The following CHMP4B variants were observed in gnomAD, a reference collection of about 807,000 sequenced individuals.
CHMP4B encodes SNF7 homolog associated with Alix 1.
Under a neutral mutation model 25.1 loss-of-function variants are expected in CHMP4B, and 1 was observed. The ratio of observed to expected loss-of-function variants is 0.04; its 90% confidence interval spans 0.01 to 0.19. The LOEUF is 0.19. Among genes scored for constraint, CHMP4B ranks in the 10% least tolerant of loss-of-function variants. CHMP4B has a pLI of 1.00. For synonymous variants in CHMP4B, 101 were observed against 115.6 expected, an observed-to-expected ratio of 0.87 and a Z score of 0.81; for missense variants, 151 against 289.7, an observed-to-expected ratio of 0.52 and a Z score of 3.48.
chr20:33,837,267 T>C (rs1026218846), intron 1 of CHMP4B, among the ~76,000 whole-genome samples: 1 of 151,894 alleles, frequency 6.6e-6, no homozygotes, highest in African/African-American at 2.4e-5. Flanking sequence ...GGGAGGATCA[T>C]TTGAGCCTGG....
At chr20:33,851,992 C>T (rs540126085) in intron 3 of CHMP4B, 85 bp from the exon 4 acceptor site, 2 of 1,574,174 alleles carry the variant, frequency 1.3e-6, no homozygotes, top group South Asian at 1.1e-5. Context: ...GTGTGTGTCT[C>T]CATGAGCATT....
chr20:33,836,136 G>C (rs1350145143), intron 1 of CHMP4B, among the ~76,000 whole-genome samples: 2 of 152,016 alleles, frequency 1.3e-5, no homozygotes, highest in Non-Finnish European at 2.9e-5. Flanking sequence ...TCATCTCTTT[G>C]CTAATTTTGA....
intron 1 of CHMP4B, among the ~76,000 whole-genome samples, chr20:33,820,952 A>G (rs1423456882): frequency 1.3e-5 from 2 of 152,232 alleles, no homozygotes; most frequent in East Asian, 3.8e-4. Flanking sequence ...AATTTAGAGT[A>G]TAGTTTATTC....
chr20:33,836,132 CTT>C (rs1000292447), intron 1 of CHMP4B, among the ~76,000 whole-genome samples: 1 of 152,170 alleles, frequency 6.6e-6, no homozygotes, highest in Non-Finnish European at 1.5e-5. Flanking sequence ...GTTTTCATCT[CTT>C]TGCTAATTTT....
chr20:33,830,933 G>GTTTTTTTTTTTTTGTTTTTTTTTTTTTTT (rs1979224165), intron 1 of CHMP4B, among the ~76,000 whole-genome samples: 1 of 102,524 alleles, frequency 9.8e-6, no homozygotes, highest in Non-Finnish European at 1.9e-5. Flanking sequence ...AAGGAACAGA[G>GTTTTTTTTTTTTTGTTTTTTTTTTTTTTT]TTTTTTTTTT....
In CHMP4B at chr20:33,852,210, G is replaced by T; in HGVS notation, c.610+7G>T. On this transcript the variant is annotated splice_region_variant and intron_variant, in intron 4 of 4. Coordinates refer to ENST00000217402, the MANE Select transcript of CHMP4B (RefSeq NM_176812.5). Reference sequence around the variant, plus strand: ...GCCCTACCATCAAAACCCGGTGAGTGCTTCTAGAGTCATGGCACACCGTGA... The same window carrying T: ...GCCCTACCATCAAAACCCGGTGAGTTCTTCTAGAGTCATGGCACACCGTGA... The T allele has an allele frequency of 6.2e-7, 1 of 1,614,058 alleles. No individual in the cohort carries two copies.
chr20:33,831,863 G>C (rs1014976895), intron 1 of CHMP4B, among the ~76,000 whole-genome samples: 1 of 152,176 alleles, frequency 6.6e-6, no homozygotes, highest in Non-Finnish European at 1.5e-5. Context: ...TAACATTACA[G>C]GTGTGAGCCA....
chr20:33,847,417 G>A (rs1979716047), intron 1 of CHMP4B, among the ~76,000 whole-genome samples: 1 of 151,970 alleles, frequency 6.6e-6, no homozygotes, highest in Admixed American at 6.6e-5. Flanking sequence ...ATTTTGGGGT[G>A]GTGTGTCCTG....
chr20:33,852,188 C>G lies in CHMP4B; in HGVS notation c.595C>G (p.Leu199Val). 1 of 1,614,208 alleles carries G rather than the reference C, an allele frequency of 6.2e-7. No homozygotes were observed. The highest frequency in any genetic ancestry group is 8.5e-7 in the Non-Finnish European group (1 of 1,180,040). The change falls in exon 4 of 5, where the codon CTA (leucine) becomes GTA (valine). Residue 199 changes from leucine to valine, a missense_variant. This residue lies in a region of CHMP4B where 41 missense variants were observed against 50.9 expected (regional missense o/e 0.81). Transcript: ENST00000217402. ...TCTACCAAATGTTCCCTCTATAGCCCTACCATCAAAACCCGGTGAGTGCTT... is the reference window on the plus strand; with the variant it reads ...TCTACCAAATGTTCCCTCTATAGCCGTACCATCAAAACCCGGTGAGTGCTT... ...VPLPNVPSIA[L>V]PSKPAKKKEE...
At chr20:33,813,584 G>A (rs1244614876) in intron 1 of CHMP4B, among the ~76,000 whole-genome samples, 1 of 152,146 alleles carries the variant, frequency 6.6e-6, no homozygotes, top group Non-Finnish European at 1.5e-5. Flanking sequence ...CTCTCCCTCA[G>A]TCCAGATCCT....
At chr20:33,814,160 G>A (rs1048516061) in intron 1 of CHMP4B, among the ~76,000 whole-genome samples, 2 of 152,220 alleles carry the variant, frequency 1.3e-5, no homozygotes, top group Non-Finnish European at 2.9e-5. Flanking sequence ...TTGCTTGAGA[G>A]GATGGGAGCT....
At position 33,853,618 on chromosome 20, in the gene CHMP4B, C is replaced by T. The variant is rs984095079; in HGVS notation, c.*58C>T. 2.2e-5 allele frequency: 33 copies of T among 1,467,876 alleles called. No homozygotes were observed. The South Asian group carries it at 2.7e-4, about 12-fold the overall frequency. 90.9% of individuals were successfully genotyped at this position (1,467,876 alleles called of 1,614,324 possible). A position where few individuals can be genotyped will look rare whatever the true frequency, so the allele number is the denominator to read the frequency against. ...TGTGGTGGCCTGCGCAGCGAGCAGGCGTGTGCGTGTGTGGGGCAGGCAGGA... is the reference window on the plus strand; with the variant it reads ...TGTGGTGGCCTGCGCAGCGAGCAGGTGTGTGCGTGTGTGGGGCAGGCAGGA... On this transcript the variant is annotated 3_prime_UTR_variant, in exon 5 of 5. Coordinates refer to ENST00000217402, the MANE Select transcript of CHMP4B (RefSeq NM_176812.5).
intron 1 of CHMP4B, among the ~76,000 whole-genome samples, chr20:33,838,065 T>A (rs2122802808): frequency 6.6e-6 from 1 of 152,310 alleles, no homozygotes; most frequent in South Asian, 2.1e-4. Flanking sequence ...AGAAGCCAGA[T>A]TCGGAATCAC....
At chr20:33,834,723 T>A (rs1979344691) in intron 1 of CHMP4B, among the ~76,000 whole-genome samples, 1 of 152,246 alleles carries the variant, frequency 6.6e-6, no homozygotes, top group South Asian at 2.1e-4. Flanking sequence ...GACCTACGGC[T>A]TATTTAGAAG....
rs1978879716 is a variant in CHMP4B, at chr20:33,819,672, T to C, written c.190+8014T>C. 3.3e-5 allele frequency among the ~76,000 whole-genome samples: 5 copies of C among 152,142 alleles called. No individual in the cohort carries two copies. In the South Asian group the frequency reaches 1.0e-3, roughly 32 times the overall value. ...AGCTCAAAAGGTCAGTGATGTGGTA[T>C]AGTGGAAAAGGTGCTAGCTTTGGGG... On this transcript the variant is annotated intron_variant, in intron 1 of 4. Coordinates refer to ENST00000217402, the MANE Select transcript of CHMP4B (RefSeq NM_176812.5).
intron 1 of CHMP4B, among the ~76,000 whole-genome samples, chr20:33,824,143 T>A (rs1979022876): frequency 6.6e-6 from 1 of 152,232 alleles, no homozygotes; most frequent in East Asian, 1.9e-4. Flanking sequence ...ACATACATAA[T>A]CTGGTTTTGA....
intron 1 of CHMP4B, among the ~76,000 whole-genome samples, chr20:33,827,712 G>C (rs1243875838): frequency 6.6e-6 from 1 of 152,162 alleles, no homozygotes; most frequent in Admixed American, 6.5e-5. Context: ...ATTTCTGTTG[G>C]GGCTCAGCAG....
intron 1 of CHMP4B, among the ~76,000 whole-genome samples, chr20:33,828,882 A>C (rs1249582119): frequency 2.0e-5 from 3 of 152,182 alleles, no homozygotes; most frequent in Non-Finnish European, 2.9e-5. Flanking sequence ...TCAAGATATG[A>C]GAACATTCCA....
At chr20:33,851,144 C>T (rs775174195) in intron 3 of CHMP4B, 78 bp downstream of exon 3, 16 of 930,506 alleles carry the variant, frequency 1.7e-5, no homozygotes, top group Non-Finnish European at 2.1e-5. Flanking sequence ...CTTGAAGGCT[C>T]TCAGGCAGGG....
Sources: gnomAD v4.1 joint callset for allele counts (sites outside exome capture counted in the v4.1 genomes callset) on GRCh38, gnomAD v4.1.1 for gene constraint, gnomAD v4.1.1 regional missense constraint, MANE v1.5 for transcripts, NCBI Gene and HGNC (gene_info 2026-07-23, HGNC 2026-07-21) for gene names.